Variants in HS6ST2 observed in about 807,000 individuals in gnomAD.
HS6ST2 encodes heparan-sulfate 6-O-sulfotransferase 2.
A neutral mutation model predicts 33.0 loss-of-function variants in HS6ST2; 17 were observed. The observed-to-expected ratio is 0.52, with a 90% confidence interval of 0.35 to 0.77. HS6ST2 has a LOEUF of 0.77. HS6ST2 is among the 30% of genes least tolerant of loss of function. HS6ST2 has a pLI of 0.01. For missense variants in HS6ST2, 519 were observed against 551.7 expected, an observed-to-expected ratio of 0.94 and a Z score of 0.59; for synonymous variants, 248 against 237.1, an observed-to-expected ratio of 1.05 and a Z score of -0.42.
At chrX:132,849,832 T>G (rs1249950764) in intron 2 of HS6ST2, among the ~76,000 whole-genome samples, 2 of 112,206 alleles carry the variant, frequency 1.8e-5, no homozygotes, top group Non-Finnish European at 3.8e-5. Context: ...ATTATAAGAC[T>G]ACAAACTAAT....
chrX:132,747,510 T>G (rs898612984), intron 2 of HS6ST2, among the ~76,000 whole-genome samples: 13 of 111,245 alleles, frequency 1.2e-4, no homozygotes, highest in Non-Finnish European at 1.9e-4. Context: ...ATCTGCTGCT[T>G]GGGACTGCTG....
intron 2 of HS6ST2, among the ~76,000 whole-genome samples, chrX:132,774,689 T>G (rs2064938676): frequency 9.0e-6 from 1 of 111,543 alleles, no homozygotes; most frequent in African/African-American, 3.3e-5. Context: ...GTAGCTTTTT[T>G]TTCTTTTTTG....
At chrX:132,790,267 C>T (rs2065108851) in intron 2 of HS6ST2, among the ~76,000 whole-genome samples, 1 of 112,217 alleles carries the variant, frequency 8.9e-6, no homozygotes. Context: ...AGACCCTTCA[C>T]CAGCAAAACA....
At chrX:132,835,853 T>A (rs2065637316) in intron 2 of HS6ST2, among the ~76,000 whole-genome samples, 1 of 111,029 alleles carries the variant, frequency 9.0e-6, no homozygotes, top group Admixed American at 9.5e-5. Context: ...GAGGTGGAGG[T>A]TGCAGTGAGC....
intron 2 of HS6ST2, among the ~76,000 whole-genome samples, chrX:132,709,356 G>A (rs191157237): frequency 2.0e-3 from 223 of 112,171 alleles, no homozygotes; most frequent in Middle Eastern, 9.2e-3. Flanking sequence ...GCATTTTCTT[G>A]GGAGAAATGT....
intron 2 of HS6ST2, among the ~76,000 whole-genome samples, chrX:132,770,169 T>C (rs1322833469): frequency 8.9e-6 from 1 of 111,844 alleles, no homozygotes. Context: ...ACACATTATC[T>C]CATTTCCTTC....
chrX:132,844,299 T>G (rs1346098594), intron 2 of HS6ST2, among the ~76,000 whole-genome samples: 3 of 111,421 alleles, frequency 2.7e-5, no homozygotes, highest in Non-Finnish European at 5.7e-5. Flanking sequence ...GAAGAACCAT[T>G]GAGCTAGAGG....
intron 2 of HS6ST2, among the ~76,000 whole-genome samples, chrX:132,827,878 G>A (rs1016013112): frequency 1.8e-5 from 2 of 111,397 alleles, no homozygotes; most frequent in Non-Finnish European, 3.8e-5. Context: ...CTCATGAAGA[G>A]CCAGTCTATC....
intron 2 of HS6ST2, among the ~76,000 whole-genome samples, chrX:132,724,006 G>A (rs186049850): frequency 0.014 from 1,513 of 111,363 alleles, 29 homozygotes; most frequent in African/African-American, 0.047. Context: ...CAGGTGTGGT[G>A]GCGGGCGCCT....
chrX:132,840,109 CTG>C (rs1361856799), intron 2 of HS6ST2, among the ~76,000 whole-genome samples: 1 of 110,514 alleles, frequency 9.0e-6, no homozygotes, highest in Non-Finnish European at 1.9e-5. Context: ...GAGTGAGACT[CTG>C]TCTCAAAAAA....
At chrX:132,757,333 A>G (rs1222090895) in intron 2 of HS6ST2, among the ~76,000 whole-genome samples, 1 of 112,073 alleles carries the variant, frequency 8.9e-6, no homozygotes, top group Non-Finnish European at 1.9e-5. Flanking sequence ...GAGTTGCTAA[A>G]GGATTTCACA....
At chrX:132,706,044 T>A (rs1410490610) in intron 3 of HS6ST2, among the ~76,000 whole-genome samples, 1 of 110,265 alleles carries the variant, frequency 9.1e-6, no homozygotes, top group Non-Finnish European at 1.9e-5. Context: ...AAACTTACTA[T>A]AATAGTTCCC....
At chrX:132,881,148 G>C (rs1342922737) in intron 2 of HS6ST2, among the ~76,000 whole-genome samples, 9 of 111,185 alleles carry the variant, frequency 8.1e-5, no homozygotes, top group Non-Finnish European at 9.4e-5. Flanking sequence ...ACCCAGTAAT[G>C]GGATGGCTGG....
intron 2 of HS6ST2, among the ~76,000 whole-genome samples, chrX:132,752,414 A>G (rs753920790): frequency 2.4e-4 from 25 of 103,676 alleles, no homozygotes; most frequent in Non-Finnish European, 4.1e-4. Flanking sequence ...GGAGGTTGCA[A>G]TGAGCCAAGA....
intron 4 of HS6ST2, among the ~76,000 whole-genome samples, chrX:132,632,712 C>T (rs1319178016): frequency 9.1e-6 from 1 of 110,387 alleles, no homozygotes; most frequent in Non-Finnish European, 1.9e-5. Flanking sequence ...AAAAAAAACA[C>T]CTCACACTGA....
At chrX:132,708,239 G>A (rs897516496) in intron 3 of HS6ST2, among the ~76,000 whole-genome samples, 1 of 86,434 alleles carries the variant, frequency 1.2e-5, no homozygotes, top group Non-Finnish European at 2.1e-5. Flanking sequence ...TCCCCCTTCT[G>A]AACTAAGTCA....
intron 2 of HS6ST2, among the ~76,000 whole-genome samples, chrX:132,951,124 T>C (rs2148504122): frequency 9.0e-6 from 1 of 111,461 alleles, no homozygotes; most frequent in East Asian, 2.8e-4. Context: ...AACCTCTCTG[T>C]TTTGGTGGCT....
intron 2 of HS6ST2, among the ~76,000 whole-genome samples, chrX:132,944,422 T>A (rs1242491060): frequency 9.0e-6 from 1 of 111,357 alleles, no homozygotes; most frequent in African/African-American, 3.3e-5. Context: ...AAAACGGCCG[T>A]ACTGCCCAAG....
chrX:132,959,472 G>C (rs1176750439), upstream of HS6ST2, among the ~76,000 whole-genome samples: 3 of 112,115 alleles, frequency 2.7e-5, no homozygotes, highest in African/African-American at 9.8e-5. Flanking sequence ...GTTGGCAGCA[G>C]TGTTTCTGAG....
Sources: gnomAD v4.1 joint callset for allele counts (sites outside exome capture counted in the v4.1 genomes callset) on GRCh38, gnomAD v4.1.1 for gene constraint, MANE v1.5 for transcripts, NCBI Gene and HGNC (gene_info 2026-07-23, HGNC 2026-07-21) for gene names.